The following SPIDR variants were observed in gnomAD, a reference collection of about 807,000 sequenced individuals.
SPIDR encodes scaffold protein involved in DNA repair.
A neutral mutation model predicts 104.6 loss-of-function variants in SPIDR; 93 were observed. The ratio of observed to expected loss-of-function variants is 0.89; its 90% CI spans 0.75 to 1.06. SPIDR has a LOEUF of 1.06. SPIDR is among the 50% of genes least tolerant of loss of function. The probability of loss-of-function intolerance (pLI) is 0.00; values close to 1 mark genes in which losing one functional copy is unlikely to be tolerated. For missense variants in SPIDR, 1,154 were observed against 1,111.2 expected (o/e 1.04, Z -0.55); for synonymous variants, 431 against 416.9 (o/e 1.03, Z -0.41).
intron 8 of SPIDR, among the ~76,000 whole-genome samples, chr8:47,450,866 T>C (rs2071588124): frequency 6.6e-6 from 1 of 152,158 alleles, no homozygotes; most frequent in Non-Finnish European, 1.5e-5. Flanking sequence ...ACAGCAAATA[T>C]TAAAGTATAA....
chr8:47,507,278 T>C (rs1018670622), intron 8 of SPIDR, among the ~76,000 whole-genome samples: 4 of 152,226 alleles, frequency 2.6e-5, no homozygotes, highest in Non-Finnish European at 4.4e-5. Context: ...CCATGATATG[T>C]GCCCATAAAG....
intron 3 of SPIDR, among the ~76,000 whole-genome samples, chr8:47,287,252 G>A (rs2039021428): frequency 6.6e-6 from 1 of 151,904 alleles, no homozygotes; most frequent in South Asian, 2.1e-4. Context: ...AAGGCAAAGG[G>A]CAAAGCAAAG....
chr8:47,474,994 AT>A (rs1397468007), intron 8 of SPIDR, among the ~76,000 whole-genome samples: 3 of 152,238 alleles, frequency 2.0e-5, no homozygotes, highest in African/African-American at 7.2e-5. Flanking sequence ...TGGAAAGCCA[AT>A]TCTGTTATGT....
intron 2 of SPIDR, among the ~76,000 whole-genome samples, chr8:47,283,030 A>G (rs920907769): frequency 1.3e-5 from 2 of 151,694 alleles, no homozygotes; most frequent in Non-Finnish European, 2.9e-5. Flanking sequence ...TAATTTTTGT[A>G]TTTTTGGTAG....
intron 8 of SPIDR, chr8:47,511,936 T>TAA: frequency 1.3e-6 from 1 of 794,212 alleles, no homozygotes; most frequent in African/African-American, 1.7e-5. Flanking sequence ...TGTCACTCTA[T>TAA]TATCACTAGG....
chr8:47,367,567 A>G (rs1554635468), intron 5 of SPIDR, among the ~76,000 whole-genome samples: 1 of 152,230 alleles, frequency 6.6e-6, no homozygotes, highest in Non-Finnish European at 1.5e-5. Flanking sequence ...AGTTACAGGT[A>G]GTATAGACCA....
intron 8 of SPIDR, among the ~76,000 whole-genome samples, chr8:47,480,487 T>TC (rs1182122090): frequency 2.0e-5 from 3 of 152,228 alleles, no homozygotes; most frequent in Non-Finnish European, 4.4e-5. Flanking sequence ...CTTGAAACTT[T>TC]CCAGCTCTTA....
chr8:47,688,258 G>T (rs751172411), intron 11 of SPIDR, among the ~76,000 whole-genome samples: 55 of 152,092 alleles, frequency 3.6e-4, no homozygotes, highest in Non-Finnish European at 6.5e-4. Flanking sequence ...TAGTAGCTGG[G>T]ACTACAGGCG....
chr8:47,478,932 A>C (rs1349980464), intron 8 of SPIDR, among the ~76,000 whole-genome samples: 1 of 152,150 alleles, frequency 6.6e-6, no homozygotes, highest in South Asian at 2.1e-4. Context: ...TACTCATCCA[A>C]GCCGTTCTTA....
rs868906357 is a variant in SPIDR at position 47,485,135 on chromosome 8, G to A, written c.1097+44593G>A. On this transcript the variant is annotated intron_variant, in intron 8 of 19. Coordinates refer to ENST00000297423, the MANE Select transcript of SPIDR (RefSeq NM_001080394.4). Reference sequence around the variant, plus strand: ...GTGATAGACGACGCCTGGAAAATCGGGTCACTCCCACCCTAACACAGTGGT... The same window carrying A: ...GTGATAGACGACGCCTGGAAAATCGAGTCACTCCCACCCTAACACAGTGGT... Among the ~76,000 whole-genome samples, 9 of 152,296 alleles carry A rather than the reference G, an allele frequency of 5.9e-5. No homozygotes were observed. In the South Asian group the frequency reaches 1.9e-3, roughly 32 times the overall value.
intron 8 of SPIDR, among the ~76,000 whole-genome samples, chr8:47,485,076 G>A (rs909129017): frequency 1.3e-5 from 2 of 152,230 alleles, no homozygotes; most frequent in Non-Finnish European, 2.9e-5. Context: ...AGTGCAAGGG[G>A]TCAGGGAATT....
intron 11 of SPIDR, among the ~76,000 whole-genome samples, chr8:47,700,168 T>C (rs2079950449): frequency 6.6e-6 from 1 of 152,224 alleles, no homozygotes; most frequent in Non-Finnish European, 1.5e-5. Flanking sequence ...CGTATACTAT[T>C]TCACTGTGTG....
intron 6 of SPIDR, among the ~76,000 whole-genome samples, chr8:47,407,498 T>C (rs2062921342): frequency 6.6e-6 from 1 of 152,222 alleles, no homozygotes; most frequent in Non-Finnish European, 1.5e-5. Flanking sequence ...AACGAAGTGC[T>C]AGGTGCCAGC....
At chr8:47,594,460 G>A (rs1465605534) in intron 8 of SPIDR, among the ~76,000 whole-genome samples, 1 of 152,058 alleles carries the variant, frequency 6.6e-6, no homozygotes, top group Non-Finnish European at 1.5e-5. Context: ...CCCAATGAGG[G>A]GGGAAGTCCA....
intron 5 of SPIDR, among the ~76,000 whole-genome samples, chr8:47,392,981 A>G (rs1378956774): frequency 2.0e-5 from 3 of 152,182 alleles, no homozygotes; most frequent in South Asian, 4.1e-4. Context: ...TGCTATTTCC[A>G]AGGTTCCAAT....
chr8:47,591,617 C>G (rs1190985409), intron 8 of SPIDR, among the ~76,000 whole-genome samples: 5 of 152,022 alleles, frequency 3.3e-5, no homozygotes, highest in Non-Finnish European at 7.4e-5. Flanking sequence ...TTAATGTTCC[C>G]ATTTTGGTTC....
At chr8:47,479,008 A>G (rs554272018) in intron 8 of SPIDR, among the ~76,000 whole-genome samples, 17 of 152,238 alleles carry the variant, frequency 1.1e-4, no homozygotes, top group African/African-American at 4.1e-4. Context: ...TGTTTTGGTT[A>G]GGAAGGTATT....
chr8:47,498,236 T>G (rs911186120), intron 8 of SPIDR, among the ~76,000 whole-genome samples: 1 of 152,186 alleles, frequency 6.6e-6, no homozygotes, highest in African/African-American at 2.4e-5. Flanking sequence ...GGGAAGCACA[T>G]TGTTGGCCAG....
intron 8 of SPIDR, among the ~76,000 whole-genome samples, chr8:47,591,228 T>C (rs2098916006): frequency 6.6e-6 from 1 of 151,030 alleles, no homozygotes; most frequent in Non-Finnish European, 1.5e-5. Context: ...TTTTTCCTGG[T>C]TTCATATGGG....
Sources: allele counts gnomAD v4.1 joint callset (sites outside exome capture counted in the v4.1 genomes callset), GRCh38; gene constraint gnomAD v4.1.1; transcripts MANE v1.5; gene names NCBI Gene and HGNC (gene_info 2026-07-23, HGNC 2026-07-21).